TTC29: variants seen among roughly 807,000 people sequenced by gnomAD.
TTC29 encodes the protein tetratricopeptide repeat protein 29.
In TTC29, 49 loss-of-function variants were observed where a neutral mutation model predicts 58.1. That is an observed-to-expected ratio of 0.84 (90% CI 0.67 to 1.07). The LOEUF (loss-of-function observed/expected upper bound fraction) is 1.07. Ranked by LOEUF, TTC29 falls within the 50% of genes least tolerant of loss-of-function variation. The probability of loss-of-function intolerance (pLI) is 0.00; values close to 1 mark genes in which losing one functional copy is unlikely to be tolerated. For synonymous variants in TTC29, 209 were observed against 196.8 expected, an observed-to-expected ratio of 1.06 and a Z score of -0.52; for missense variants, 582 against 555.6, an observed-to-expected ratio of 1.05 and a Z score of -0.48.
chr4:146,871,006 G>A (rs1273570400), intron 7 of TTC29, among the ~76,000 whole-genome samples: 1 of 151,842 alleles, frequency 6.6e-6, no homozygotes, highest in Admixed American at 6.6e-5. Flanking sequence ...GTATTATTTT[G>A]ACATCAAACC....
At chr4:146,867,114 G>C (rs1730610870) in intron 8 of TTC29, among the ~76,000 whole-genome samples, 1 of 152,114 alleles carries the variant, frequency 6.6e-6, no homozygotes, top group Non-Finnish European at 1.5e-5. Context: ...CTGCATTTCT[G>C]TGTGTGCAAA....
chr4:146,715,734 T>G (rs572440887), intron 11 of TTC29, among the ~76,000 whole-genome samples: 3 of 152,290 alleles, frequency 2.0e-5, no homozygotes, highest in Non-Finnish European at 4.4e-5. Context: ...CTATAATTTA[T>G]TGACTATTTT....
chr4:146,921,251 C>G (rs754071738), intron 4 of TTC29, among the ~76,000 whole-genome samples: 1 of 151,126 alleles, frequency 6.6e-6, no homozygotes, highest in East Asian at 1.9e-4. Context: ...TCTTGTTTTC[C>G]TGAATATCAT....
intron 4 of TTC29, among the ~76,000 whole-genome samples, chr4:146,924,447 C>A (rs1350374784): frequency 4.6e-5 from 7 of 151,702 alleles, no homozygotes; most frequent in Admixed American, 4.6e-4. Context: ...AAATATAAAT[C>A]TCTTCTGTTA....
chr4:146,937,169 T>C (rs1326783463), intron 4 of TTC29, among the ~76,000 whole-genome samples: 2 of 152,092 alleles, frequency 1.3e-5, no homozygotes, highest in African/African-American at 4.8e-5. Context: ...ATCCATTGGT[T>C]CTTTTGTGAG....
At chr4:146,765,459 C>T (rs926833748) in intron 11 of TTC29, among the ~76,000 whole-genome samples, 8 of 152,090 alleles carry the variant, frequency 5.3e-5, no homozygotes, top group African/African-American at 1.9e-4. Context: ...CCTTGGCCTC[C>T]CAAAGTGCTG....
intron 8 of TTC29, among the ~76,000 whole-genome samples, chr4:146,855,660 A>G (rs967133764): frequency 7.2e-5 from 11 of 152,178 alleles, no homozygotes; most frequent in Non-Finnish European, 1.2e-4. Context: ...ATTGTGCACC[A>G]ATTATACTGT....
chr4:146,722,012 C>T (rs946644543), intron 11 of TTC29, among the ~76,000 whole-genome samples: 1 of 151,990 alleles, frequency 6.6e-6, no homozygotes, highest in Non-Finnish European at 1.5e-5. Flanking sequence ...TTCTATACAA[C>T]AATAACGTTC....
chr4:146,824,344 C>A lies in TTC29; in HGVS notation c.978-4096G>T, dbSNP rs561502003. 2.2e-4 allele frequency among the ~76,000 whole-genome samples: 34 copies of A among 152,228 alleles called. 1 individual carries two copies. The South Asian group carries it at 3.9e-3, about 18-fold the overall frequency. On this transcript the variant is annotated intron_variant, in intron 9 of 12. Coordinates refer to ENST00000325106, the MANE Select transcript of TTC29 (RefSeq NM_031956.4). ...TGTATTTTATCGAAGGCCTTTTCTG[C>A]ATCTATTGAGGTAATCCTGTTGTTT...
At chr4:146,903,816 C>A (rs763892718) in intron 5 of TTC29, 87 bp from the exon 6 acceptor site, 5 of 978,312 alleles carry the variant, frequency 5.1e-6, no homozygotes, top group Non-Finnish European at 6.8e-6. Context: ...ATCATGACTT[C>A]CTATTTTTCC....
At chr4:146,804,476 A>T (rs1279332017) in intron 10 of TTC29, among the ~76,000 whole-genome samples, 1 of 152,064 alleles carries the variant, frequency 6.6e-6, no homozygotes, top group East Asian at 1.9e-4. Context: ...GCAAACTAAG[A>T]TCCACTGGTT....
intron 11 of TTC29, among the ~76,000 whole-genome samples, chr4:146,778,665 TA>T (rs1457422299): frequency 4.9e-4 from 75 of 152,280 alleles, no homozygotes; most frequent in African/African-American, 1.7e-3. Flanking sequence ...ACTGCATATT[TA>T]CTTTCTAGAA....
At chr4:146,928,927 G>A (rs888750191) in intron 4 of TTC29, among the ~76,000 whole-genome samples, 2 of 152,008 alleles carry the variant, frequency 1.3e-5, no homozygotes, top group Non-Finnish European at 2.9e-5. Context: ...TAGGCTTTTT[G>A]GAAATTATTC....
chr4:146,788,668 T>C (rs1749215626), intron 11 of TTC29, among the ~76,000 whole-genome samples: 1 of 151,872 alleles, frequency 6.6e-6, no homozygotes, highest in South Asian at 2.1e-4. Context: ...AAATTCCACC[T>C]GTGCCACAGT....
chr4:146,838,430 G>A (rs75351505), intron 8 of TTC29, among the ~76,000 whole-genome samples: 3 of 151,860 alleles, frequency 2.0e-5, no homozygotes, highest in African/African-American at 7.3e-5. Context: ...ATCTGTCTTA[G>A]AGAAAGTAGA....
At chr4:146,759,407 A>T (rs1440068708) in intron 11 of TTC29, among the ~76,000 whole-genome samples, 1 of 152,148 alleles carries the variant, frequency 6.6e-6, no homozygotes. Flanking sequence ...AAGATAGAGA[A>T]AGAAGGAACC....
intron 8 of TTC29, among the ~76,000 whole-genome samples, chr4:146,855,742 T>A (rs1403338885): frequency 6.6e-6 from 1 of 152,234 alleles, no homozygotes; most frequent in Non-Finnish European, 1.5e-5. Flanking sequence ...CCTTTGAGAA[T>A]GTTTTGGATA....
At chr4:146,766,388 T>C (rs1160446867) in intron 11 of TTC29, among the ~76,000 whole-genome samples, 2 of 152,222 alleles carry the variant, frequency 1.3e-5, no homozygotes, top group African/African-American at 4.8e-5. Flanking sequence ...CTTCTCTACT[T>C]CTACACCAAT....
intron 11 of TTC29, among the ~76,000 whole-genome samples, chr4:146,734,436 G>C (rs1405282356): frequency 6.6e-6 from 1 of 152,110 alleles, no homozygotes; most frequent in Non-Finnish European, 1.5e-5. Flanking sequence ...TAAACATTAA[G>C]TGTTTCCCTG....
Sources: gnomAD v4.1 joint callset for allele counts (sites outside exome capture counted in the v4.1 genomes callset) on GRCh38, gnomAD v4.1.1 for gene constraint, MANE v1.5 for transcripts, NCBI Gene and HGNC (gene_info 2026-07-23, HGNC 2026-07-21) for gene names.